TMTC1: variants seen among roughly 807,000 people sequenced by gnomAD.
TMTC1 encodes transmembrane O-mannosyltransferase targeting cadherins 1.
A neutral mutation model predicts 104.8 loss-of-function variants in TMTC1; 73 were observed. The observed-to-expected ratio is 0.70, with a 90% CI of 0.58 to 0.85. The LOEUF (loss-of-function observed/expected upper bound fraction) is 0.85, where lower values mean the gene tolerates loss of function less well. TMTC1 is among the 40% of genes least tolerant of loss of function. The pLI, the probability that TMTC1 is intolerant of heterozygous loss-of-function variation, is 0.00. For missense variants in TMTC1, 1,035 were observed against 1,096.1 expected, an observed-to-expected ratio of 0.94 and a Z score of 0.79; for synonymous variants, 434 against 428.7, an observed-to-expected ratio of 1.01 and a Z score of -0.15.
At position 29,707,825 on chromosome 12, in the gene TMTC1, TA is replaced by T. The variant is rs376015873; in HGVS notation, c.938+43840del. On this transcript the variant is annotated intron_variant, in intron 5 of 17. Transcript: ENST00000539277. Reference sequence around the variant, plus strand: ...CACATTTTTCACCTGCCACAGCACTTAAAAACTGAAGTTTAAATACGGTCCT... The same window carrying T: ...CACATTTTTCACCTGCCACAGCACTTAAAACTGAAGTTTAAATACGGTCCT... 6.3e-3 allele frequency among the ~76,000 whole-genome samples: 965 copies of T among 152,296 alleles called. 11 individuals are homozygous for T. The highest frequency in any genetic ancestry group is 0.022 in the African/African-American group (924 of 41,548).
chr12:29,529,225 C>T (rs758461658), intron 11 of TMTC1, among the ~76,000 whole-genome samples: 1 of 152,122 alleles, frequency 6.6e-6, no homozygotes, highest in African/African-American at 2.4e-5. Context: ...AGTGCATAAA[C>T]CTTCATGGAC....
chr12:29,720,351 T>TA (rs1187931740), intron 5 of TMTC1, among the ~76,000 whole-genome samples: 1 of 152,192 alleles, frequency 6.6e-6, no homozygotes, highest in Non-Finnish European at 1.5e-5. Context: ...TCCCAATAAA[T>TA]ATGGTGCCAG....
chr12:29,570,143 T>C (rs892089679), intron 9 of TMTC1, among the ~76,000 whole-genome samples: 4 of 151,724 alleles, frequency 2.6e-5, no homozygotes, highest in Non-Finnish European at 4.4e-5. Context: ...CTGCCCTTTT[T>C]CTCCCTTCAA....
At chr12:29,764,380 C>A (rs1368263247) in intron 2 of TMTC1, among the ~76,000 whole-genome samples, 2 of 152,042 alleles carry the variant, frequency 1.3e-5, no homozygotes, top group African/African-American at 4.8e-5. Flanking sequence ...AGAATGAGTT[C>A]CATTAATGTC....
chr12:29,636,411 CT>C (rs1938551998), intron 5 of TMTC1, among the ~76,000 whole-genome samples: 1 of 152,202 alleles, frequency 6.6e-6, no homozygotes, highest in African/African-American at 2.4e-5. Flanking sequence ...TGGCCTTGCT[CT>C]GCAAGTTGAC....
At chr12:29,664,007 G>A (rs967725593) in intron 5 of TMTC1, among the ~76,000 whole-genome samples, 3 of 151,598 alleles carry the variant, frequency 2.0e-5, no homozygotes, top group South Asian at 4.2e-4. Flanking sequence ...CTAAAACGGT[G>A]AAACCCCGTC....
intron 6 of TMTC1, among the ~76,000 whole-genome samples, chr12:29,622,292 T>C (rs1171528383): frequency 6.6e-6 from 1 of 152,158 alleles, no homozygotes; most frequent in African/African-American, 2.4e-5. Flanking sequence ...AAAGAACCAA[T>C]ACCAAATAAA....
At chr12:29,782,488 A>G (rs1263722345) in intron 1 of TMTC1, among the ~76,000 whole-genome samples, 1 of 152,184 alleles carries the variant, frequency 6.6e-6, no homozygotes, top group East Asian at 1.9e-4. Flanking sequence ...CGCCGATAAT[A>G]GCGCACCAAT....
At chr12:29,660,906 A>G in intron 5 of TMTC1, 1 of 1,438,602 alleles carries the variant, frequency 7.0e-7, no homozygotes, top group Non-Finnish European at 9.3e-7. Flanking sequence ...AAAGAAAAAA[A>G]ATCTTAGATA....
chr12:29,626,820 G>T (rs1938017017), intron 6 of TMTC1, among the ~76,000 whole-genome samples: 1 of 152,150 alleles, frequency 6.6e-6, no homozygotes, highest in South Asian at 2.1e-4. Flanking sequence ...AAAACTTTTG[G>T]TCAGGCATGG....
At chr12:29,543,441 G>C (rs1944856894) in intron 10 of TMTC1, among the ~76,000 whole-genome samples, 1 of 152,186 alleles carries the variant, frequency 6.6e-6, no homozygotes. Flanking sequence ...GAGAACGTAG[G>C]AAATGCCAGT....
At chr12:29,702,646 T>C (rs978173186) in intron 5 of TMTC1, among the ~76,000 whole-genome samples, 3 of 152,112 alleles carry the variant, frequency 2.0e-5, no homozygotes, top group Non-Finnish European at 4.4e-5. Context: ...GCACACTCAA[T>C]GGGAACAGAC....
chr12:29,537,263 G>A (rs1419775860), intron 10 of TMTC1, among the ~76,000 whole-genome samples: 5 of 152,100 alleles, frequency 3.3e-5, no homozygotes, highest in Non-Finnish European at 5.9e-5. Context: ...ATAGAGTTGC[G>A]TGCTTGTGTT....
At chr12:29,674,296 T>A (rs1465587925) in intron 5 of TMTC1, among the ~76,000 whole-genome samples, 2 of 134,038 alleles carry the variant, frequency 1.5e-5, no homozygotes, top group Non-Finnish European at 3.2e-5. Flanking sequence ...TGAGATGATA[T>A]ATGCAAGTGT....
intron 7 of TMTC1, among the ~76,000 whole-genome samples, chr12:29,600,648 G>T (rs1366010438): frequency 6.6e-6 from 1 of 152,180 alleles, no homozygotes; most frequent in Non-Finnish European, 1.5e-5. Flanking sequence ...CGAAATCCAA[G>T]TTAAACTCTC....
intron 8 of TMTC1, among the ~76,000 whole-genome samples, chr12:29,572,733 A>G (rs1330844387): frequency 1.3e-5 from 2 of 152,170 alleles, no homozygotes; most frequent in Non-Finnish European, 2.9e-5. Context: ...GGCTAATTAC[A>G]AACGCTTTTC....
chr12:29,656,357 CTTTTTTT>C (rs1187413675), intron 5 of TMTC1, among the ~76,000 whole-genome samples: 3 of 129,966 alleles, frequency 2.3e-5, no homozygotes, highest in African/African-American at 8.5e-5. Context: ...TACACATATA[CTTTTTTT>C]TTTTTTTTTT....
intron 2 of TMTC1, among the ~76,000 whole-genome samples, chr12:29,766,603 T>G (rs1458205080): frequency 1.3e-5 from 2 of 152,120 alleles, no homozygotes; most frequent in Non-Finnish European, 2.9e-5. Flanking sequence ...TGGGGCATAG[T>G]AAGATGCTGG....
intron 5 of TMTC1, among the ~76,000 whole-genome samples, chr12:29,672,346 C>G (rs552946028): frequency 1.5e-3 from 223 of 152,318 alleles, no homozygotes; most frequent in South Asian, 7.5e-3. Context: ...AGGGTCAGTA[C>G]CCAGGACACT....
Sources: gnomAD v4.1 joint callset for allele counts (sites outside exome capture counted in the v4.1 genomes callset) on GRCh38, gnomAD v4.1.1 for gene constraint, MANE v1.5 for transcripts, NCBI Gene and HGNC (gene_info 2026-07-23, HGNC 2026-07-21) for gene names.